The following FAT3 variants were observed in gnomAD, a reference collection of about 807,000 sequenced individuals.
The protein encoded by FAT3 is protocadherin Fat 3.
FAT3 carries 95 observed loss-of-function variants against 310.2 expected under a neutral mutation model. The observed-to-expected ratio is 0.31, with a 90% CI of 0.26 to 0.36. The LOEUF (loss-of-function observed/expected upper bound fraction) is 0.36. Ranked by LOEUF, FAT3 falls within the 10% of genes least tolerant of loss-of-function variation. The probability of loss-of-function intolerance (pLI) is 1.00; values close to 1 mark genes in which losing one functional copy is unlikely to be tolerated. For missense variants in FAT3, 5,408 were observed against 5,715.6 expected (o/e 0.95, Z 1.74); for synonymous variants, 2,314 against 2,192.9 (o/e 1.06, Z -1.54).
intron 3 of FAT3, among the ~76,000 whole-genome samples, chr11:92,641,778 C>A (rs1162946602): frequency 6.6e-6 from 1 of 152,190 alleles, no homozygotes; most frequent in African/African-American, 2.4e-5. Flanking sequence ...TTTGGGGGTA[C>A]CCCCTGCAAA....
intron 3 of FAT3, among the ~76,000 whole-genome samples, chr11:92,565,805 A>G (rs941761847): frequency 6.6e-6 from 1 of 152,240 alleles, no homozygotes; most frequent in East Asian, 1.9e-4. Context: ...ATCTCAATAG[A>G]TGCAGAAAAG....
chr11:92,662,424 G>A (rs1411649323), intron 3 of FAT3, among the ~76,000 whole-genome samples: 2 of 152,180 alleles, frequency 1.3e-5, no homozygotes, highest in African/African-American at 4.8e-5. Flanking sequence ...TGGAGTAACT[G>A]TGTTAAAATG....
At chr11:92,725,834 A>ATAAT (rs1260553032) in intron 4 of FAT3, among the ~76,000 whole-genome samples, 7 of 152,208 alleles carry the variant, frequency 4.6e-5, no homozygotes, top group Admixed American at 1.3e-4. Flanking sequence ...CAAGAGTGGA[A>ATAAT]TAATTGCAAA....
At chr11:92,362,038 G>T (rs1320665018) in intron 2 of FAT3, among the ~76,000 whole-genome samples, 1 of 152,196 alleles carries the variant, frequency 6.6e-6, no homozygotes, top group Non-Finnish European at 1.5e-5. Flanking sequence ...CAGGAGGTAT[G>T]GACAGTTATT....
At chr11:92,889,672 A>G (rs185397064) in intron 26 of FAT3, among the ~76,000 whole-genome samples, 184 bp from the exon 27 acceptor site, 1 of 152,212 alleles carries the variant, frequency 6.6e-6, no homozygotes, top group Non-Finnish European at 1.5e-5. Flanking sequence ...AATGTGATTT[A>G]TCTGTTTTGT....
chr11:92,293,504 A>T (rs1354327752), intron 1 of FAT3, among the ~76,000 whole-genome samples: 1 of 136,714 alleles, frequency 7.3e-6, no homozygotes, highest in African/African-American at 2.8e-5. Flanking sequence ...TTGAAGCAGA[A>T]CCTCAGATTA....
chr11:92,313,548 TTTTTG>T (rs964389600), intron 1 of FAT3, among the ~76,000 whole-genome samples: 8 of 152,124 alleles, frequency 5.3e-5, no homozygotes, highest in African/African-American at 1.7e-4. Context: ...TCAAACCCAT[TTTTTG>T]TTTTGTTTTG....
intron 2 of FAT3, among the ~76,000 whole-genome samples, chr11:92,452,827 A>G (rs1488788161): frequency 1.3e-5 from 2 of 152,074 alleles, no homozygotes; most frequent in African/African-American, 4.8e-5. Flanking sequence ...CAGTGGTGAG[A>G]TCACGGCTCA....
chr11:92,366,791 T>C lies in FAT3; in HGVS notation c.3292+11387T>C, dbSNP rs533276008. ...TCTGGTGGTAGTGTCCTTCAGATGC[T>C]CACAGGAAGGTAGCTGATCTTCAGT... is the stretch of plus-strand genomic sequence containing the variant. On this transcript the variant is annotated intron_variant, in intron 2 of 27. Transcript: ENST00000525166. 5.1e-5 allele frequency: 27 copies of C among 531,550 alleles called. No homozygotes were observed. The East Asian group carries it at 1.3e-3, about 25-fold the overall frequency. The allele number at this position is 531,550 out of a possible 1,614,324, so 32.9% of individuals were successfully genotyped here. A position where few individuals can be genotyped will look rare whatever the true frequency, so the allele number is the denominator to read the frequency against.
intron 3 of FAT3, among the ~76,000 whole-genome samples, chr11:92,568,249 A>G (rs2852859): frequency 0.46 from 69,536 of 151,898 alleles, 16,586 homozygotes; most frequent in African/African-American, 0.56. Context: ...AATACGTTTA[A>G]GTTCCCCCAA....
intron 13 of FAT3, among the ~76,000 whole-genome samples, chr11:92,813,236 A>T (rs950441813): frequency 2.6e-5 from 4 of 152,152 alleles, no homozygotes; most frequent in Admixed American, 2.0e-4. Context: ...TCGTTTGCAG[A>T]TCCTTCTCTA....
rs764290651 is a variant in FAT3 at position 92,836,718 on chromosome 11, G to A, written c.10224+15G>A. 1.2e-6 allele frequency: 2 copies of A among 1,610,802 alleles called. No homozygotes were observed. The highest frequency in any genetic ancestry group is 2.7e-5 in the African/African-American group (2 of 74,838). ...ACCGGGAACGGGTAAGCTAGTTTAG[G>A]ACAGTTTCCTTCCCATCCACATCCA... is the stretch of plus-strand genomic sequence containing the variant. On this transcript the variant is annotated intron_variant, in intron 16 of 27. Coordinates refer to ENST00000525166, the MANE Select transcript of FAT3 (RefSeq NM_001367949.2).
chr11:92,762,384 G>A (rs1266292696), intron 5 of FAT3, among the ~76,000 whole-genome samples: 5 of 152,122 alleles, frequency 3.3e-5, no homozygotes, highest in Non-Finnish European at 7.4e-5. Context: ...GTTGTGTCCT[G>A]TCAGCATTTT....
chr11:92,817,008 A>G (rs1159898922), intron 13 of FAT3, among the ~76,000 whole-genome samples: 1 of 152,078 alleles, frequency 6.6e-6, no homozygotes, highest in Non-Finnish European at 1.5e-5. Flanking sequence ...AAAAAGAAGT[A>G]AAAGGAAAGA....
At position 92,404,561 on chromosome 11, in the gene FAT3, A is replaced by G. The variant is rs930690243; in HGVS notation, c.3292+49157A>G. 2.0e-5 allele frequency among the ~76,000 whole-genome samples: 3 copies of G among 151,584 alleles called. No individual in the cohort carries two copies. In the South Asian group the frequency reaches 6.3e-4, roughly 32 times the overall value. ...TCCATTGTTTGAAGACCATGTCACC[A>G]TGGTACAATATGGCAGGTGGATGAA... On this transcript the variant is annotated intron_variant, in intron 2 of 27. Transcript: ENST00000525166.
chr11:92,836,515 T>G (rs1409514078), intron 15 of FAT3, 51 bp from the exon 16 acceptor site: 3 of 1,591,346 alleles, frequency 1.9e-6, no homozygotes, highest in Admixed American at 1.7e-5. Context: ...AGAATCAACC[T>G]TTGCTGCCTT....
chr11:92,255,340 T>TAAA (rs200782534), intron 1 of FAT3, among the ~76,000 whole-genome samples: 1 of 148,884 alleles, frequency 6.7e-6, no homozygotes, highest in Non-Finnish European at 1.5e-5. Flanking sequence ...GGGTTTTTTT[T>TAAA]TAAAAAAAAA....
At chr11:92,580,258 T>C (rs1391618952) in intron 3 of FAT3, among the ~76,000 whole-genome samples, 2 of 152,050 alleles carry the variant, frequency 1.3e-5, no homozygotes, top group Non-Finnish European at 2.9e-5. Context: ...CATCCTTACT[T>C]AGATGCCTCA....
intron 2 of FAT3, among the ~76,000 whole-genome samples, chr11:92,445,665 G>A (rs542804923): frequency 7.9e-5 from 12 of 152,236 alleles, no homozygotes; most frequent in East Asian, 3.9e-4. Flanking sequence ...GCATATATGA[G>A]TGTATATATG....
Sources: gnomAD v4.1 joint callset for allele counts (sites outside exome capture counted in the v4.1 genomes callset) on GRCh38, gnomAD v4.1.1 for gene constraint, MANE v1.5 for transcripts, NCBI Gene and HGNC (gene_info 2026-07-23, HGNC 2026-07-21) for gene names.